Variants in PDCD10 observed in about 807,000 individuals in gnomAD.
The protein encoded by PDCD10 is programmed cell death 10.
Under a neutral mutation model 29.2 loss-of-function variants are expected in PDCD10, and 4 were observed. That is an observed-to-expected ratio of 0.14 (90% confidence interval 0.07 to 0.31). The LOEUF is 0.31. PDCD10 is among the 10% of genes least tolerant of loss of function. The probability of loss-of-function intolerance (pLI) is 1.00; values close to 1 mark genes in which losing one functional copy is unlikely to be tolerated. For synonymous variants in PDCD10, 70 were observed against 82.2 expected (o/e 0.85, Z 0.80); for missense variants, 183 against 257.9 (o/e 0.71, Z 1.99).
At chr3:167,719,924 C>A (rs1723405410) in intron 3 of PDCD10, 138 bp downstream of exon 3, 2 of 702,896 alleles carry the variant, frequency 2.8e-6, no homozygotes, top group African/African-American at 3.5e-5. Flanking sequence ...CTATTTTTTG[C>A]CCTGATACAA....
At chr3:167,713,655 ACT>A (rs1722738480) in intron 3 of PDCD10, among the ~76,000 whole-genome samples, 1 of 151,820 alleles carries the variant, frequency 6.6e-6, no homozygotes, top group African/African-American at 2.4e-5. Flanking sequence ...AATTGACACA[ACT>A]TTAAACCAAC....
chr3:167,719,103 T>C (rs1723315590), intron 3 of PDCD10, among the ~76,000 whole-genome samples: 1 of 151,948 alleles, frequency 6.6e-6, no homozygotes, highest in Admixed American at 6.6e-5. Flanking sequence ...AATCCAATAA[T>C]GTGGAAAAAA....
intron 3 of PDCD10, among the ~76,000 whole-genome samples, chr3:167,705,964 TTC>T (rs1393829408): frequency 6.6e-6 from 1 of 152,170 alleles, no homozygotes; most frequent in Admixed American, 6.6e-5. Context: ...GAATGAATGT[TTC>T]TGTTTTGATA....
intron 3 of PDCD10, among the ~76,000 whole-genome samples, chr3:167,708,113 A>C (rs1722173296): frequency 6.6e-6 from 1 of 152,152 alleles, no homozygotes; most frequent in Non-Finnish European, 1.5e-5. Flanking sequence ...TATCAACCAC[A>C]AACCAGGCAA....
At chr3:167,726,680 T>G (rs534580596) in intron 2 of PDCD10, among the ~76,000 whole-genome samples, 3 of 152,310 alleles carry the variant, frequency 2.0e-5, no homozygotes, top group Admixed American at 2.0e-4. Context: ...ACCATTCTAT[T>G]CATATTGTTA....
chr3:167,698,070 C>T, intron 4 of PDCD10: 2 of 444,664 alleles, frequency 4.5e-6, no homozygotes. Context: ...CACTTAACCT[C>T]CGCCTCTTCA....
chr3:167,715,986 C>T (rs1245409461), intron 3 of PDCD10, among the ~76,000 whole-genome samples: 1 of 151,960 alleles, frequency 6.6e-6, no homozygotes, highest in Non-Finnish European at 1.5e-5. Flanking sequence ...TTTGCTGCAG[C>T]ATTGTTCACA....
chr3:167,717,768 C>T (rs1723163200), intron 3 of PDCD10, among the ~76,000 whole-genome samples: 1 of 152,082 alleles, frequency 6.6e-6, no homozygotes, highest in Non-Finnish European at 1.5e-5. Context: ...AAACCCTATA[C>T]TTCTGAACAT....
At chr3:167,687,190 A>G (rs756797969) in intron 8 of PDCD10, 44 bp downstream of exon 8, 1 of 991,548 alleles carries the variant, frequency 1.0e-6, no homozygotes, top group South Asian at 1.3e-5. Flanking sequence ...AAAACCACAT[A>G]ATCTATTTAA....
At chr3:167,697,952 T>C (rs1240871779) in intron 4 of PDCD10, 2 of 456,600 alleles carry the variant, frequency 4.4e-6, no homozygotes, top group African/African-American at 2.0e-5. Flanking sequence ...TTAATCATTA[T>C]GCTGATGATT....
intron 8 of PDCD10, among the ~76,000 whole-genome samples, chr3:167,686,158 C>T (rs947623001): frequency 6.6e-6 from 1 of 152,152 alleles, no homozygotes; most frequent in Admixed American, 6.5e-5. Context: ...TCAAAAAATT[C>T]TCACATTTGA....
At chr3:167,732,093 G>C (rs537547221) in intron 2 of PDCD10, among the ~76,000 whole-genome samples, 2 of 152,282 alleles carry the variant, frequency 1.3e-5, no homozygotes, top group Non-Finnish European at 2.9e-5. Flanking sequence ...AATAGTATTT[G>C]AATATTTAAG....
chr3:167,686,416 C>T (rs9290317), intron 8 of PDCD10, among the ~76,000 whole-genome samples: 28,027 of 152,166 alleles, frequency 0.18, 2,755 homozygotes, highest in Non-Finnish European at 0.24. Flanking sequence ...TTAAAAACAT[C>T]TGGGGCACTT....
chr3:167,714,813 T>A (rs1005689561), intron 3 of PDCD10, among the ~76,000 whole-genome samples: 1 of 151,800 alleles, frequency 6.6e-6, no homozygotes, highest in Non-Finnish European at 1.5e-5. Flanking sequence ...AAAGATATTC[T>A]ATGTTAATGG....
chr3:167,711,571 G>T (rs1170489802), intron 3 of PDCD10, among the ~76,000 whole-genome samples: 1 of 152,140 alleles, frequency 6.6e-6, no homozygotes, highest in Non-Finnish European at 1.5e-5. Context: ...TAAAGAGGAG[G>T]TAGAAAAAGA....
At chr3:167,726,125 T>G (rs1464462914) in intron 2 of PDCD10, among the ~76,000 whole-genome samples, 10 of 142,220 alleles carry the variant, frequency 7.0e-5, no homozygotes, top group African/African-American at 1.0e-4. Flanking sequence ...TTTTTTTTTT[T>G]TTTTTTTTTT....
chr3:167,716,388 T>C (rs1380616141), intron 3 of PDCD10, among the ~76,000 whole-genome samples: 2 of 151,922 alleles, frequency 1.3e-5, no homozygotes, highest in South Asian at 4.1e-4. Context: ...AAATTATACA[T>C]TTTAAAATAA....
At chr3:167,734,587 G>C (rs1321391664) in intron 1 of PDCD10, 75 bp downstream of exon 1, 1 of 152,488 alleles carries the variant, frequency 6.6e-6, no homozygotes, top group East Asian at 1.9e-4. Context: ...ACTTCCTGGA[G>C]GCGTTCGGGC....
intron 3 of PDCD10, among the ~76,000 whole-genome samples, chr3:167,709,765 G>C (rs1009070324): frequency 2.0e-5 from 3 of 151,036 alleles, no homozygotes; most frequent in African/African-American, 7.3e-5. Flanking sequence ...CCAAGGGAAT[G>C]GATGTGTCAC....
Sources: gnomAD v4.1 joint callset for allele counts (sites outside exome capture counted in the v4.1 genomes callset) on GRCh38, gnomAD v4.1.1 for gene constraint, MANE v1.5 for transcripts, NCBI Gene and HGNC (gene_info 2026-07-23, HGNC 2026-07-21) for gene names.